NKAIN2: variants seen among roughly 807,000 people sequenced by gnomAD.
NKAIN2 encodes sodium/potassium-transporting ATPase subunit beta-1-interacting protein 2.
In NKAIN2, 14 loss-of-function variants were observed where a neutral mutation model predicts 32.6. The observed-to-expected ratio is 0.43, with a 90% CI of 0.28 to 0.67. The LOEUF (loss-of-function observed/expected upper bound fraction) is 0.67. NKAIN2 is among the 30% of genes least tolerant of loss of function. The probability of loss-of-function intolerance (pLI) is 0.17; values close to 1 mark genes in which losing one functional copy is unlikely to be tolerated. For synonymous variants in NKAIN2, 80 were observed against 87.2 expected (o/e 0.92, Z 0.46); for missense variants, 198 against 258.3 (o/e 0.77, Z 1.60).
chr6:124,789,184 G>A (rs1242919139), intron 4 of NKAIN2, among the ~76,000 whole-genome samples: 1 of 151,966 alleles, frequency 6.6e-6, no homozygotes, highest in Middle Eastern at 3.2e-3. Context: ...TTAATGAGAA[G>A]TTTAAACTTA....
At chr6:124,793,722 A>G in intron 5 of NKAIN2, among the ~76,000 whole-genome samples, 1 of 151,856 alleles carries the variant, frequency 6.6e-6, no homozygotes, top group Non-Finnish European at 1.5e-5. Flanking sequence ...TAAGTTTGAC[A>G]CTGAAAATTT....
rs146929531 is a variant in NKAIN2, at chr6:124,150,117, C to G, written c.55-132888C>G. ...ATAGGTGTCTTCAGCTATTCTCCCCCCTGGGCTCTGCAGAACCTTCCGACC... is the reference window on the plus strand; with the variant it reads ...ATAGGTGTCTTCAGCTATTCTCCCCGCTGGGCTCTGCAGAACCTTCCGACC... On this transcript the variant is annotated intron_variant, in intron 1 of 6. Transcript: ENST00000368417. 4.4e-3 allele frequency among the ~76,000 whole-genome samples: 674 copies of G among 152,222 alleles called. 3 individuals are homozygous for G. Among genetic ancestry groups the G allele is most frequent in the African/African-American group, 0.014 (582 of 41,516 alleles).
chr6:124,339,365 A>G (rs1039092267), intron 2 of NKAIN2, among the ~76,000 whole-genome samples: 2 of 152,038 alleles, frequency 1.3e-5, no homozygotes, highest in African/African-American at 4.8e-5. Flanking sequence ...CAACAACAAC[A>G]ACAAAAACTG....
intron 1 of NKAIN2, among the ~76,000 whole-genome samples, chr6:124,259,397 G>A (rs950823173): frequency 7.2e-5 from 11 of 152,162 alleles, no homozygotes; most frequent in African/African-American, 2.7e-4. Flanking sequence ...GGAGGGCTGA[G>A]AGTTGATTTC....
chr6:124,163,184 A>G (rs943448647), intron 1 of NKAIN2, among the ~76,000 whole-genome samples: 1 of 152,062 alleles, frequency 6.6e-6, no homozygotes, highest in Non-Finnish European at 1.5e-5. Flanking sequence ...CAGCTTCTAA[A>G]TATAAAGGAA....
intron 3 of NKAIN2, among the ~76,000 whole-genome samples, chr6:124,388,843 T>A (rs1773024937): frequency 6.6e-6 from 1 of 152,082 alleles, no homozygotes; most frequent in Non-Finnish European, 1.5e-5. Context: ...TTTGGCATTT[T>A]TATGCTTTTT....
At chr6:124,222,370 A>G (rs1231516018) in intron 1 of NKAIN2, among the ~76,000 whole-genome samples, 2 of 152,236 alleles carry the variant, frequency 1.3e-5, no homozygotes, top group African/African-American at 2.4e-5. Context: ...ATAAATTTAC[A>G]TAAAGATATA....
At chr6:124,431,215 T>G (rs1346396956) in intron 3 of NKAIN2, among the ~76,000 whole-genome samples, 1 of 152,184 alleles carries the variant, frequency 6.6e-6, no homozygotes, top group East Asian at 1.9e-4. Flanking sequence ...GGGGCTTGTT[T>G]GATGGAATAA....
At chr6:123,904,974 A>C (rs1280063982) in intron 1 of NKAIN2, among the ~76,000 whole-genome samples, 4 of 152,184 alleles carry the variant, frequency 2.6e-5, no homozygotes, top group Non-Finnish European at 4.4e-5. Context: ...ATCACTGTTC[A>C]TTTATAGGTG....
intron 1 of NKAIN2, among the ~76,000 whole-genome samples, chr6:123,818,343 C>T (rs1490355): frequency 0.27 from 38,291 of 143,844 alleles, 6,779 homozygotes; most frequent in East Asian, 0.53. Flanking sequence ...AATTTTCAGA[C>T]TTCTTGTGGA....
chr6:123,816,169 G>A (rs926828613), intron 1 of NKAIN2, among the ~76,000 whole-genome samples: 1 of 152,032 alleles, frequency 6.6e-6, no homozygotes, highest in Non-Finnish European at 1.5e-5. Flanking sequence ...GACAATGAAG[G>A]GTCCAGATGA....
intron 4 of NKAIN2, among the ~76,000 whole-genome samples, chr6:124,761,551 A>G (rs1207298376): frequency 1.3e-5 from 2 of 152,306 alleles, no homozygotes; most frequent in African/African-American, 4.8e-5. Context: ...TATACCACAT[A>G]GCTTGTATCT....
At chr6:124,570,185 G>A (rs1242725851) in intron 3 of NKAIN2, among the ~76,000 whole-genome samples, 1 of 152,190 alleles carries the variant, frequency 6.6e-6, no homozygotes, top group Admixed American at 6.5e-5. Flanking sequence ...GCTGACTTGG[G>A]TGCTGTTAAA....
chr6:124,586,320 C>T (rs1284932016), intron 3 of NKAIN2, among the ~76,000 whole-genome samples: 1 of 152,166 alleles, frequency 6.6e-6, no homozygotes, highest in African/African-American at 2.4e-5. Context: ...GGTACAGCCA[C>T]TTTGAAACAT....
chr6:124,687,135 A>AAT (rs142235428), intron 4 of NKAIN2, among the ~76,000 whole-genome samples: 140 of 147,434 alleles, frequency 9.5e-4, no homozygotes, highest in African/African-American at 2.5e-3. Flanking sequence ...AGCTCCCTTA[A>AAT]ATATATATAT....
intron 1 of NKAIN2, among the ~76,000 whole-genome samples, chr6:124,239,694 C>T (rs1439064157): frequency 6.6e-6 from 1 of 151,984 alleles, no homozygotes; most frequent in Non-Finnish European, 1.5e-5. Flanking sequence ...TCTTTGAAAC[C>T]AATGAGAACA....
chr6:124,741,523 A>G (rs1332483136), intron 4 of NKAIN2, among the ~76,000 whole-genome samples: 1 of 151,816 alleles, frequency 6.6e-6, no homozygotes, highest in Non-Finnish European at 1.5e-5. Context: ...CTAACCCGCT[A>G]TCAAAATATG....
At chr6:124,225,814 C>A (rs1792077324) in intron 1 of NKAIN2, among the ~76,000 whole-genome samples, 2 of 151,880 alleles carry the variant, frequency 1.3e-5, no homozygotes, top group South Asian at 4.1e-4. Flanking sequence ...ACCTCTGAGA[C>A]AAAGGCGGAA....
chr6:124,152,203 A>T (rs546891633), intron 1 of NKAIN2, among the ~76,000 whole-genome samples: 1 of 152,076 alleles, frequency 6.6e-6, no homozygotes, highest in African/African-American at 2.4e-5. Context: ...TTATATTGAA[A>T]AAACCCCTCT....
Sources: allele counts gnomAD v4.1 joint callset (sites outside exome capture counted in the v4.1 genomes callset), GRCh38; gene constraint gnomAD v4.1.1; transcripts MANE v1.5; gene names NCBI Gene and HGNC (gene_info 2026-07-23, HGNC 2026-07-21).